SLC5A11: variants seen among roughly 807,000 people sequenced by gnomAD.
The protein encoded by SLC5A11 is sodium/myo-inositol cotransporter 2.
In SLC5A11, 48 loss-of-function variants were observed where a neutral mutation model predicts 69.8. That is an observed-to-expected ratio of 0.69 (90% CI 0.55 to 0.87). The LOEUF is 0.87. Among genes scored for constraint, SLC5A11 ranks in the 40% least tolerant of loss-of-function variants. The pLI is 0.00. For missense variants in SLC5A11, 784 were observed against 866.1 expected (o/e 0.91, Z 1.19); for synonymous variants, 319 against 342.4 (o/e 0.93, Z 0.75).
At position 24,895,730 on chromosome 16, in the gene SLC5A11, C is replaced by G. The variant is rs2049116525; in HGVS notation, c.871-2244C>G. Among the ~76,000 whole-genome samples, 4 of 152,038 alleles carry G rather than the reference C, an allele frequency of 2.6e-5. No individual in the cohort carries two copies. In the South Asian group the frequency reaches 8.3e-4, roughly 32 times the overall value. The stretch of plus-strand genomic sequence containing the variant: ...ATGAGTACCTGTCCTTGAAACGTGT[C>G]CACCAAGCCCGGTTTGTGTCACTGC... On this transcript the variant is annotated intron_variant, in intron 9 of 15. Transcript: ENST00000347898.
intron 3 of SLC5A11, among the ~76,000 whole-genome samples, chr16:24,868,607 A>AG (rs1311659567): frequency 6.6e-6 from 1 of 151,474 alleles, no homozygotes; most frequent in African/African-American, 2.4e-5. Flanking sequence ...AAAAAAAAAA[A>AG]AAAAGAGACT....
chr16:24,880,456 T>C (rs1480675176), intron 7 of SLC5A11, among the ~76,000 whole-genome samples: 9 of 152,148 alleles, frequency 5.9e-5, no homozygotes. Context: ...TGCCTCAGCC[T>C]CCCAAATAGC....
chr16:24,888,478 C>CCT (rs2048533927), intron 8 of SLC5A11, among the ~76,000 whole-genome samples: 1 of 81,406 alleles, frequency 1.2e-5, no homozygotes, highest in Non-Finnish European at 2.2e-5. Flanking sequence ...GTATCTATTT[C>CCT]TTTTTTTTTT....
At chr16:24,901,466 T>G (rs2152402210) in intron 10 of SLC5A11, among the ~76,000 whole-genome samples, 1 of 151,396 alleles carries the variant, frequency 6.6e-6, no homozygotes, top group African/African-American at 2.4e-5. Context: ...AATACAAAAA[T>G]TAGCCAGGCA....
At chr16:24,885,793 CAA>C (rs2048359420) in intron 8 of SLC5A11, among the ~76,000 whole-genome samples, 1 of 150,958 alleles carries the variant, frequency 6.6e-6, no homozygotes, top group African/African-American at 2.4e-5. Context: ...AAGAAAATAT[CAA>C]GAGAGTGCCA....
At chr16:24,869,902 T>C in exon 4 of SLC5A11, 1 of 1,613,368 alleles carries the variant, frequency 6.2e-7, no homozygotes, top group South Asian at 1.1e-5. Flanking sequence ...TCCCCACAGG[T>C]GGGTGCATCC....
intron 8 of SLC5A11, among the ~76,000 whole-genome samples, chr16:24,884,602 C>CA (rs1205923254): frequency 1.4e-5 from 2 of 146,004 alleles, no homozygotes; most frequent in East Asian, 4.1e-4. Context: ...TCTCCTGCCT[C>CA]AGCCTCCCCA....
chr16:24,892,954 G>A (rs1000655261), intron 9 of SLC5A11, among the ~76,000 whole-genome samples: 17 of 151,960 alleles, frequency 1.1e-4, no homozygotes, highest in East Asian at 3.9e-4. Flanking sequence ...GGACTGATCC[G>A]GGCTAACATC....
intron 10 of SLC5A11, 54 bp from the exon 12 acceptor site, chr16:24,906,603 C>T: frequency 8.1e-7 from 1 of 1,229,664 alleles, no homozygotes; most frequent in Non-Finnish European, 1.1e-6. Flanking sequence ...GTTGCCTGGG[C>T]CTGGGGCTCT....
At chr16:24,862,655 G>C in exon 3 of SLC5A11, 1 of 1,613,506 alleles carries the variant, frequency 6.2e-7, no homozygotes, top group South Asian at 1.1e-5. Context: ...GGCTGGAGGG[G>C]ACATGGTGTG....
chr16:24,895,275 G>A (rs1359093390), intron 9 of SLC5A11, among the ~76,000 whole-genome samples: 1 of 152,038 alleles, frequency 6.6e-6, no homozygotes, highest in African/African-American at 2.4e-5. Context: ...GATCACTTAA[G>A]GTCAGGAGTT....
intron 5 of SLC5A11, among the ~76,000 whole-genome samples, 191 bp downstream of exon 6, chr16:24,872,410 TC>T (rs1432369274): frequency 2.6e-4 from 39 of 152,228 alleles, no homozygotes; most frequent in African/African-American, 8.9e-4. Flanking sequence ...CCATAGCACT[TC>T]CTGCCAGTAC....
intron 4 of SLC5A11, among the ~76,000 whole-genome samples, chr16:24,870,441 A>ACCC (rs2047210659): frequency 8.0e-6 from 1 of 124,812 alleles, no homozygotes; most frequent in African/African-American, 3.0e-5. Context: ...AAACAAAAAA[A>ACCC]AACACACACA....
chr16:24,851,625 A>G (rs1163650218), intron 1 of SLC5A11, among the ~76,000 whole-genome samples: 2 of 152,216 alleles, frequency 1.3e-5, no homozygotes, highest in African/African-American at 2.4e-5. Flanking sequence ...TTCTTTAAAA[A>G]AAATGGTTTT....
intron 3 of SLC5A11, among the ~76,000 whole-genome samples, chr16:24,868,551 A>T (rs986737216): frequency 4.0e-5 from 6 of 150,010 alleles, no homozygotes; most frequent in Non-Finnish European, 8.9e-5. Flanking sequence ...GTGAGCTGAG[A>T]TCACACCACT....
intron 10 of SLC5A11, among the ~76,000 whole-genome samples, chr16:24,905,427 G>A (rs1050136296): frequency 6.6e-6 from 1 of 151,744 alleles, no homozygotes; most frequent in South Asian, 2.1e-4. Flanking sequence ...GGGCGACAGA[G>A]TGAGACTCCA....
chr16:24,888,937 C>G (rs2048585059), intron 8 of SLC5A11, among the ~76,000 whole-genome samples: 8 of 151,606 alleles, frequency 5.3e-5, no homozygotes, highest in Admixed American at 5.3e-4. Flanking sequence ...ACTGGGACTA[C>G]AGGCATGCAT....
At chr16:24,894,681 G>C (rs1243764705) in intron 9 of SLC5A11, among the ~76,000 whole-genome samples, 1 of 152,072 alleles carries the variant, frequency 6.6e-6, no homozygotes. Context: ...GGCACCTGTA[G>C]TCCCAGCTAC....
intron 10 of SLC5A11, among the ~76,000 whole-genome samples, chr16:24,903,847 T>C (rs961077886): frequency 1.3e-5 from 2 of 152,184 alleles, no homozygotes; most frequent in African/African-American, 4.8e-5. Context: ...ATTTGCTATA[T>C]TGATTCCAAT....
Sources: allele counts gnomAD v4.1 joint callset (sites outside exome capture counted in the v4.1 genomes callset), GRCh38; gene constraint gnomAD v4.1.1; transcripts MANE v1.5; gene names NCBI Gene and HGNC (gene_info 2026-07-23, HGNC 2026-07-21).